The following ARHGEF16 variants were observed in gnomAD, a reference collection of about 807,000 sequenced individuals.
The protein encoded by ARHGEF16 is Rho guanine exchange factor (GEF) 16.
In ARHGEF16, 59 loss-of-function variants were observed where a neutral mutation model predicts 74.1. That is an observed-to-expected ratio of 0.80 (90% CI 0.65 to 0.99). The LOEUF is 0.99. Among genes scored for constraint, ARHGEF16 ranks in the 50% least tolerant of loss-of-function variants. ARHGEF16 has a pLI of 0.00. For synonymous variants in ARHGEF16, 415 were observed against 412.6 expected, an observed-to-expected ratio of 1.01 and a Z score of -0.07; for missense variants, 948 against 986.6, an observed-to-expected ratio of 0.96 and a Z score of 0.52.
chr1:3,468,645 G>A, intron 4 of ARHGEF16: 1 of 558,516 alleles, frequency 1.8e-6, no homozygotes. Flanking sequence ...GGGCTGCTTT[G>A]GGGCTCTGGC....
At chr1:3,471,884 A>C in intron 6 of ARHGEF16, 1 of 987,646 alleles carries the variant, frequency 1.0e-6, no homozygotes, top group African/African-American at 1.8e-5. Context: ...CTGGGCACGT[A>C]CGCATGTCGT....
intron 12 of ARHGEF16, 40 bp downstream of exon 12, chr1:3,478,652 C>G (rs767961166): frequency 4.5e-6 from 7 of 1,564,782 alleles, no homozygotes; most frequent in Non-Finnish European, 5.2e-6. Flanking sequence ...AGGCCACAGG[C>G]ACATTAGCTC....
intron 8 of ARHGEF16, chr1:3,474,338 A>G (rs1042193403): frequency 7.0e-6 from 2 of 286,652 alleles, no homozygotes; most frequent in South Asian, 9.3e-5. Context: ...CTGAGGCTAC[A>G]CATGGCAGGG....
At chr1:3,456,099 C>T (rs1639258674) in intron 1 of ARHGEF16, among the ~76,000 whole-genome samples, 1 of 152,126 alleles carries the variant, frequency 6.6e-6, no homozygotes, top group South Asian at 2.1e-4. Flanking sequence ...TGGGATGGGC[C>T]CTCCCTCCAC....
At chr1:3,478,191 G>A in intron 11 of ARHGEF16, 165 bp downstream of exon 11, 1 of 1,068,466 alleles carries the variant, frequency 9.4e-7, no homozygotes, top group Middle Eastern at 2.8e-4. Flanking sequence ...GGGGCAGGTG[G>A]CGCTCGCTGT....
At position 3,478,656 on chromosome 1, in the gene ARHGEF16, T is replaced by C. The variant is rs765941954; in HGVS notation, c.1814+44T>C. 1.7e-5 allele frequency: 26 copies of C among 1,561,312 alleles called. 1 individual carries two copies. Among genetic ancestry groups the C allele is most frequent in the Middle Eastern group, 4.0e-4 (2 of 5,002 alleles). On this transcript the variant is annotated intron_variant, in intron 12 of 14. Transcript: ENST00000378378. ...GGGCTGTTCCCAGGCCACAGGCACA[T>C]TAGCTCCATGGGGACCGGGTTGTCC...
intron 1 of ARHGEF16, among the ~76,000 whole-genome samples, chr1:3,460,686 C>T (rs1010541027): frequency 6.6e-5 from 10 of 152,134 alleles, no homozygotes; most frequent in Admixed American, 3.9e-4. Flanking sequence ...CTACTGTGAG[C>T]GGGTGATCCT....
chr1:3,476,193 G>A (rs985615682), intron 10 of ARHGEF16, 131 bp downstream of exon 10: 4 of 941,078 alleles, frequency 4.3e-6, no homozygotes, highest in Non-Finnish European at 6.3e-6. Context: ...AGGCCTGGGG[G>A]CTGGGCCTCC....
At chr1:3,459,315 C>G (rs1157247445) in intron 1 of ARHGEF16, among the ~76,000 whole-genome samples, 3 of 152,200 alleles carry the variant, frequency 2.0e-5, no homozygotes, top group East Asian at 3.9e-4. Flanking sequence ...AGAAAGAGAT[C>G]GGGACATTGG....
chr1:3,473,624 C>G lies in ARHGEF16; in HGVS notation c.1305+102C>G, dbSNP rs538229564. On this transcript the variant is annotated intron_variant, in intron 8 of 14. Transcript: ENST00000378378. Reference sequence around the variant, plus strand: ...CATTACGTGCTTGTGACCTTCTCCTCCAGGCTTGGCCTATGATATTGTAAT... The same window carrying G: ...CATTACGTGCTTGTGACCTTCTCCTGCAGGCTTGGCCTATGATATTGTAAT... 180 of 1,544,454 alleles carry G rather than the reference C, an allele frequency of 1.2e-4. No individual in the cohort carries two copies. In the African/African-American group the frequency reaches 1.2e-3, roughly 10 times the overall value.
In ARHGEF16 at chr1:3,480,484, C is replaced by T. The variant is rs765160364; in HGVS notation, c.2027C>T (p.Thr676Met). 7 of 1,612,618 alleles carry T rather than the reference C, an allele frequency of 4.3e-6. No homozygotes were observed. The highest frequency in any genetic ancestry group is 1.7e-4 in the Middle Eastern group (1 of 6,060). Reference sequence around the variant, plus strand: ...GGCGAGAGGCTCCGGGACGGAGAGACGGGATGGTTCCCCGAGGACTTTGCC... The same window carrying T: ...GGCGAGAGGCTCCGGGACGGAGAGATGGGATGGTTCCCCGAGGACTTTGCC... ...LYGERLRDGE[T>M]GWFPEDFARF... The change falls in exon 15 of 15, where the codon ACG (threonine) becomes ATG (methionine). Residue 676 changes from threonine to methionine, a missense_variant. Transcript: ENST00000378378.
At chr1:3,459,523 C>G (rs528109157) in intron 1 of ARHGEF16, among the ~76,000 whole-genome samples, 1 of 152,196 alleles carries the variant, frequency 6.6e-6, no homozygotes, top group South Asian at 2.1e-4. Flanking sequence ...CAATGAGGGC[C>G]GGGAGCAGGT....
chr1:3,462,301 C>G (rs529977240), intron 1 of ARHGEF16, among the ~76,000 whole-genome samples: 1 of 152,166 alleles, frequency 6.6e-6, no homozygotes, highest in Non-Finnish European at 1.5e-5. Context: ...CAGCTTTATG[C>G]CCAGTTCAGA....
rs764028571 is a variant in ARHGEF16, at chr1:3,473,504, G to T, written c.1287G>T (p.Arg429=). 5.0e-6 allele frequency: 8 copies of T among 1,609,962 alleles called. No individual in the cohort carries two copies. Among genetic ancestry groups the T allele is most frequent in the Non-Finnish European group, 6.8e-6 (8 of 1,180,008 alleles). Residue 429 remains arginine (R), a synonymous_variant, in exon 8 of 15, where the codon CGG becomes CGT. Coordinates refer to ENST00000378378, the MANE Select transcript of ARHGEF16 (RefSeq NM_014448.4). The stretch of plus-strand genomic sequence containing the variant: ...TCCTCCCCATGCAGCGGGTGACCCG[G>T]CTGCCCCTCCTGATGGATGTAAGTC... ...FLILPMQRVT[R]LPLLMDTLCL...
rs146332272 is a variant in ARHGEF16 at position 3,467,569 on chromosome 1, G to A, written c.804+232G>A. ...TGCAGGGCCCTGCCGTCGTGCGTGC[G>A]AGGGCCAGCCCTGCTCAGACTACCC... On this transcript the variant is annotated intron_variant, in intron 4 of 14. Transcript: ENST00000378378. Among the ~76,000 whole-genome samples, 538 of 152,302 alleles carry A rather than the reference G, an allele frequency of 3.5e-3. 3 individuals carry two copies. Among genetic ancestry groups the A allele is most frequent in the Middle Eastern group, 0.01 (3 of 294 alleles).
At chr1:3,469,743 G>A in intron 6 of ARHGEF16, 150 bp downstream of exon 6, 1 of 1,152,060 alleles carries the variant, frequency 8.7e-7, no homozygotes, top group Non-Finnish European at 1.2e-6. Context: ...CCCGCGGAGT[G>A]TGATGACCTC....
chr1:3,474,455 G>A, intron 8 of ARHGEF16: 1 of 468,948 alleles, frequency 2.1e-6, no homozygotes, highest in Non-Finnish European at 3.9e-6. Context: ...GATGGAGATG[G>A]CCGAGGATGG....
chr1:3,460,334 G>A (rs143540794), intron 1 of ARHGEF16, among the ~76,000 whole-genome samples: 2,764 of 152,328 alleles, frequency 0.018, 31 homozygotes, highest in Non-Finnish European at 0.028. Flanking sequence ...CAGAGGACGT[G>A]GTCAGGGACA....
chr1:3,455,778 C>T (rs1639253310), intron 1 of ARHGEF16, among the ~76,000 whole-genome samples: 1 of 152,158 alleles, frequency 6.6e-6, no homozygotes, highest in East Asian at 1.9e-4. Context: ...GTGTGGGTTT[C>T]AGGCTCACAT....
Sources: gnomAD v4.1 joint callset for allele counts (sites outside exome capture counted in the v4.1 genomes callset) on GRCh38, gnomAD v4.1.1 for gene constraint, MANE v1.5 for transcripts, NCBI Gene and HGNC (gene_info 2026-07-23, HGNC 2026-07-21) for gene names.